RNF212: variants seen among roughly 807,000 people sequenced by gnomAD.
RNF212 encodes ring finger protein 212, also known as probable E3 SUMO-protein ligase RNF212.
In RNF212, 33 loss-of-function variants were observed where a neutral mutation model predicts 34.7. The observed-to-expected ratio is 0.95, with a 90% CI of 0.72 to 1.27. The LOEUF (loss-of-function observed/expected upper bound fraction) is 1.27, where lower values mean the gene tolerates loss of function less well. Ranked by LOEUF, RNF212 falls within the 50% of genes most tolerant of loss-of-function variation. The probability of loss-of-function intolerance (pLI) is 0.00; values close to 1 mark genes in which losing one functional copy is unlikely to be tolerated. For missense variants in RNF212, 377 were observed against 362.2 expected (o/e 1.04, Z -0.33); for synonymous variants, 140 against 136.1 (o/e 1.03, Z -0.20).
intron 8 of RNF212, among the ~76,000 whole-genome samples, chr4:1,074,720 T>A (rs1718996538): frequency 6.6e-6 from 1 of 152,050 alleles, no homozygotes; most frequent in Admixed American, 6.5e-5. Flanking sequence ...ACATTCCCCA[T>A]CCACCTGAAG....
chr4:1,073,828 C>G, intron 8 of RNF212, 166 bp from the exon 9 acceptor site: 1 of 631,824 alleles, frequency 1.6e-6, no homozygotes, highest in Non-Finnish European at 2.9e-6. Flanking sequence ...CACCTCCCGA[C>G]TCTGCCTGCT....
chr4:1,112,816 T>TC (rs1326275685), intron 1 of RNF212, among the ~76,000 whole-genome samples: 25 of 59,110 alleles, frequency 4.2e-4, no homozygotes, highest in Non-Finnish European at 5.3e-4. Context: ...GTATCCCCCT[T>TC]CCCCCCCAAG....
chr4:1,085,956 T>C lies in RNF212; in HGVS notation c.304-2A>G. On this transcript the variant is annotated splice_acceptor_variant, in intron 4 of 9. Transcript: ENST00000433731. LOFTEE classifies it high-confidence loss of function. The stretch of plus-strand genomic sequence containing the variant: ...AAGGGATTCTTCCAACCTAGAAATC[T>C]AAACATAATTACACAACCTCTTGTT... The C allele has an allele frequency of 1.3e-6, 2 of 1,598,214 alleles. No homozygotes were observed. Among genetic ancestry groups the C allele is most frequent in the Non-Finnish European group, 1.7e-6 (2 of 1,166,356 alleles).
chr4:1,058,256 G>T (rs1024853617), intron 4 of RNF212: 1 of 636,130 alleles, frequency 1.6e-6, no homozygotes, highest in African/African-American at 2.1e-5. Context: ...GGGTTAGAAC[G>T]CTGTGAAGAA....
intron 8 of RNF212, among the ~76,000 whole-genome samples, chr4:1,077,352 T>C (rs1481590613): frequency 1.3e-5 from 2 of 152,208 alleles, no homozygotes; most frequent in African/African-American, 4.8e-5. Flanking sequence ...TTTCCAACAG[T>C]AGCACCTAGT....
At chr4:1,068,940 G>A (rs1370836579), downstream of RNF212, among the ~76,000 whole-genome samples, 2 of 152,214 alleles carry the variant, frequency 1.3e-5, no homozygotes, top group Non-Finnish European at 2.9e-5. Context: ...GGACGCAATG[G>A]CTCACACCTG....
chr4:1,073,466 C>A, intron 9 of RNF212, 133 bp downstream of exon 9: 2 of 751,006 alleles, frequency 2.7e-6, no homozygotes, highest in Non-Finnish European at 4.5e-6. Flanking sequence ...GAATATGTAG[C>A]CTCCCATGCA....
intron 3 of RNF212, chr4:1,093,955 C>T: frequency 6.5e-7 from 1 of 1,536,192 alleles, no homozygotes; most frequent in Non-Finnish European, 8.7e-7. Context: ...TGGGCACCTC[C>T]TTGGAGGATG....
At chr4:1,112,388 G>C (rs1001649274) in intron 1 of RNF212, among the ~76,000 whole-genome samples, 3 of 152,062 alleles carry the variant, frequency 2.0e-5, no homozygotes, top group African/African-American at 7.3e-5. Context: ...GTGAGCCACC[G>C]GCACCCAGCT....
chr4:1,104,899 C>T (rs1416686526), intron 2 of RNF212, among the ~76,000 whole-genome samples: 2 of 152,152 alleles, frequency 1.3e-5, no homozygotes, highest in African/African-American at 4.8e-5. Context: ...GGAGGAAGAA[C>T]ACAGGTGCAC....
intron 3 of RNF212, among the ~76,000 whole-genome samples, chr4:1,092,682 A>G (rs933874728): frequency 2.0e-5 from 3 of 152,260 alleles, no homozygotes. Context: ...AAATCATTGC[A>G]AAACTCCAGG....
chr4:1,082,005 CTT>C (rs199926869), intron 5 of RNF212: 2,700 of 259,660 alleles, frequency 0.01, 31 homozygotes, highest in Middle Eastern at 0.015. Flanking sequence ...CATCCCAACA[CTT>C]TGGGAGGCAG....
intron 3 of RNF212, among the ~76,000 whole-genome samples, chr4:1,063,869 C>CAA (rs1226421887): frequency 7.7e-5 from 9 of 117,614 alleles, no homozygotes; most frequent in East Asian, 2.5e-4. Flanking sequence ...GACCCAGTCT[C>CAA]AAAAAAAAAA....
At chr4:1,105,842 A>G (rs1426097886) in intron 2 of RNF212, among the ~76,000 whole-genome samples, 2 of 152,250 alleles carry the variant, frequency 1.3e-5, no homozygotes, top group African/African-American at 2.4e-5. Flanking sequence ...TGGGGGATGG[A>G]GCCTGTGGCC....
chr4:1,057,179 C>T (rs1014287877), intron 4 of RNF212, among the ~76,000 whole-genome samples: 10 of 152,310 alleles, frequency 6.6e-5, no homozygotes, highest in African/African-American at 2.4e-4. Flanking sequence ...TGGACCGATG[C>T]TGCAGGGCCC....
At chr4:1,104,288 C>G (rs1270978054) in intron 2 of RNF212, among the ~76,000 whole-genome samples, 1 of 152,244 alleles carries the variant, frequency 6.6e-6, no homozygotes, top group Non-Finnish European at 1.5e-5. Context: ...ACTGGTGTAT[C>G]AGACAACCCC....
chr4:1,098,320 C>A (rs964414798), intron 2 of RNF212, among the ~76,000 whole-genome samples: 2 of 152,178 alleles, frequency 1.3e-5, no homozygotes, highest in Non-Finnish European at 2.9e-5. Flanking sequence ...CTTGAATTGA[C>A]CAGACTGAAG....
At chr4:1,085,454 G>T (rs1333306809) in intron 5 of RNF212, among the ~76,000 whole-genome samples, 1 of 152,212 alleles carries the variant, frequency 6.6e-6, no homozygotes, top group African/African-American at 2.4e-5. Flanking sequence ...CCCATTCACA[G>T]CAGTGCCTTT....
intron 3 of RNF212, among the ~76,000 whole-genome samples, chr4:1,065,586 G>A (rs1718039511): frequency 6.6e-6 from 1 of 151,620 alleles, no homozygotes; most frequent in Non-Finnish European, 1.5e-5. Context: ...TCCCACCTCA[G>A]CATCCTGAGA....
Sources: allele counts gnomAD v4.1 joint callset (sites outside exome capture counted in the v4.1 genomes callset), GRCh38; gene constraint gnomAD v4.1.1; transcripts MANE v1.5; gene names NCBI Gene and HGNC (gene_info 2026-07-23, HGNC 2026-07-21).